NDST4: variants seen among roughly 807,000 people sequenced by gnomAD.
The protein encoded by NDST4 is N-deacetylase and N-sulfotransferase 4.
NDST4 carries 63 observed loss-of-function variants against 100.8 expected under a neutral mutation model. The observed-to-expected ratio is 0.62, with a 90% CI of 0.51 to 0.77. NDST4 has a LOEUF of 0.77. Ranked by LOEUF, NDST4 falls within the 30% of genes least tolerant of loss-of-function variation. NDST4 has a pLI of 0.00. For synonymous variants in NDST4, 377 were observed against 361.8 expected, an observed-to-expected ratio of 1.04 and a Z score of -0.48; for missense variants, 943 against 1,018.4, an observed-to-expected ratio of 0.93 and a Z score of 1.01.
intron 6 of NDST4, among the ~76,000 whole-genome samples, chr4:114,875,631 T>G (rs572287624): frequency 6.6e-6 from 1 of 152,318 alleles, no homozygotes; most frequent in South Asian, 2.1e-4. Context: ...GGCAACTGCT[T>G]ATCCCCCTGA....
chr4:115,081,068 T>A lies in NDST4; in HGVS notation c.-246-3786A>T, dbSNP rs1729291674. On this transcript the variant is annotated intron_variant, in intron 1 of 13. Coordinates refer to ENST00000264363, the MANE Select transcript of NDST4 (RefSeq NM_022569.3). ...ATGTCAGTTTTGCATATTTAGACTA[T>A]CTCCTCCTAATGCAATAGTGAAAAA... 2.7e-5 allele frequency among the ~76,000 whole-genome samples: 4 copies of A among 150,660 alleles called. No homozygotes were observed. The South Asian group carries it at 8.4e-4, about 32-fold the overall frequency.
chr4:114,912,554 T>C (rs1175170911), intron 6 of NDST4, among the ~76,000 whole-genome samples: 3 of 152,124 alleles, frequency 2.0e-5, no homozygotes, highest in African/African-American at 4.8e-5. Flanking sequence ...GCATAAAGCA[T>C]GAAAAGCAAG....
At chr4:115,075,016 G>C (rs1405937177) in intron 2 of NDST4, among the ~76,000 whole-genome samples, 1 of 152,086 alleles carries the variant, frequency 6.6e-6, no homozygotes, top group African/African-American at 2.4e-5. Flanking sequence ...TTAGAATTGT[G>C]CACCTAATCT....
intron 6 of NDST4, among the ~76,000 whole-genome samples, chr4:114,923,500 C>G (rs1725328844): frequency 6.6e-6 from 1 of 152,068 alleles, no homozygotes; most frequent in Non-Finnish European, 1.5e-5. Context: ...TGAAACCTCA[C>G]AAACAAACCA....
intron 2 of NDST4, among the ~76,000 whole-genome samples, chr4:114,981,268 A>G (rs1726766258): frequency 6.7e-6 from 1 of 149,504 alleles, no homozygotes; most frequent in Non-Finnish European, 1.5e-5. Context: ...GAAGGAAGGA[A>G]GAAAGCAGGA....
chr4:114,986,838 A>G (rs1018095730), intron 2 of NDST4, among the ~76,000 whole-genome samples: 29 of 123,770 alleles, frequency 2.3e-4, no homozygotes, highest in Non-Finnish European at 3.7e-4. Context: ...ATATATTTTA[A>G]TATACTATTC....
At chr4:115,032,041 G>A (rs546272561) in intron 2 of NDST4, among the ~76,000 whole-genome samples, 2 of 152,168 alleles carry the variant, frequency 1.3e-5, no homozygotes, top group Admixed American at 6.6e-5. Context: ...AATATAAAAT[G>A]AGAGTTCTAT....
In NDST4 at chr4:114,852,838, T is replaced by A. The variant is rs1375339664; in HGVS notation, c.1720-17A>T. The A allele has an allele frequency of 1.9e-6, 3 of 1,546,478 alleles. No homozygotes were observed. The highest frequency in any genetic ancestry group is 8.9e-7 in the Non-Finnish European group (1 of 1,122,184). On this transcript the variant is annotated splice_polypyrimidine_tract_variant and intron_variant, in intron 7 of 13. Transcript: ENST00000264363. ...ACATGGATTCTGCAAGAAGGAAGAATAAGTAACCTCACAGTGTAATGACTG... is the reference window on the plus strand; with the variant it reads ...ACATGGATTCTGCAAGAAGGAAGAAAAAGTAACCTCACAGTGTAATGACTG...
chr4:115,013,511 T>C (rs1727606503), intron 2 of NDST4, among the ~76,000 whole-genome samples: 1 of 151,524 alleles, frequency 6.6e-6, no homozygotes, highest in South Asian at 2.1e-4. Context: ...GAAAAGGAAA[T>C]AATCAGATGT....
At chr4:115,109,964 C>T (rs1729911872) in intron 1 of NDST4, among the ~76,000 whole-genome samples, 1 of 151,820 alleles carries the variant, frequency 6.6e-6, no homozygotes, top group Admixed American at 6.6e-5. Context: ...TTACTATTCA[C>T]ATTTCAAAAA....
chr4:114,999,430 T>C (rs375292544), intron 2 of NDST4, among the ~76,000 whole-genome samples: 4 of 152,212 alleles, frequency 2.6e-5, no homozygotes, highest in East Asian at 1.9e-4. Context: ...AGATGCTACA[T>C]AGTAACTTCT....
At chr4:114,913,013 TCTGA>T (rs2126215662) in intron 6 of NDST4, among the ~76,000 whole-genome samples, 1 of 152,214 alleles carries the variant, frequency 6.6e-6, no homozygotes, top group South Asian at 2.1e-4. Flanking sequence ...TGAAACTGAT[TCTGA>T]CTTTCTCTGT....
intron 6 of NDST4, among the ~76,000 whole-genome samples, chr4:114,901,039 T>C (rs958825316): frequency 1.3e-5 from 2 of 151,974 alleles, no homozygotes; most frequent in South Asian, 2.1e-4. Flanking sequence ...CCTTAAATTC[T>C]GTACGGTGTG....
chr4:114,919,281 G>C (rs1725240860), intron 6 of NDST4, among the ~76,000 whole-genome samples: 1 of 152,156 alleles, frequency 6.6e-6, no homozygotes, highest in African/African-American at 2.4e-5. Flanking sequence ...GGTGGGGAAT[G>C]AAAGTAGGGA....
chr4:114,960,807 C>T (rs1726246048), intron 4 of NDST4, among the ~76,000 whole-genome samples: 2 of 152,036 alleles, frequency 1.3e-5, no homozygotes, highest in South Asian at 4.2e-4. Context: ...TTTAAATTTA[C>T]AAGAACAAAT....
At chr4:115,088,418 T>C (rs1270345142) in intron 1 of NDST4, among the ~76,000 whole-genome samples, 2 of 151,856 alleles carry the variant, frequency 1.3e-5, no homozygotes. Context: ...TAATTGACCA[T>C]AAACAGCATC....
intron 10 of NDST4, 48 bp from the exon 11 acceptor site, chr4:114,839,596 T>C (rs1345168923): frequency 1.3e-6 from 2 of 1,578,046 alleles, no homozygotes; most frequent in Middle Eastern, 1.7e-4. Context: ...TTAATGCCTG[T>C]GTAGATATGC....
intron 6 of NDST4, among the ~76,000 whole-genome samples, chr4:114,889,782 G>A (rs554483613): frequency 5.9e-5 from 9 of 152,184 alleles, no homozygotes; most frequent in Admixed American, 1.3e-4. Flanking sequence ...GTCTAACTTC[G>A]GGCTTCATCG....
chr4:115,071,044 G>A (rs899704437), intron 2 of NDST4, among the ~76,000 whole-genome samples: 1 of 151,886 alleles, frequency 6.6e-6, no homozygotes, highest in Admixed American at 6.6e-5. Context: ...GGTGGAGGTT[G>A]TAATGAGCTG....
Sources: allele counts gnomAD v4.1 joint callset (sites outside exome capture counted in the v4.1 genomes callset), GRCh38; gene constraint gnomAD v4.1.1; transcripts MANE v1.5; gene names NCBI Gene and HGNC (gene_info 2026-07-23, HGNC 2026-07-21).